PABPC4L: variants seen among roughly 807,000 people sequenced by gnomAD.
PABPC4L encodes poly(A) binding protein cytoplasmic 4 like, also known as polyadenylate-binding protein 4-like.
For synonymous variants in PABPC4L, 169 were observed against 164.1 expected (o/e 1.03, Z -0.23); for missense variants, 452 against 451.4 (o/e 1.00, Z -0.01).
chr4:133,994,091 G>T, the PABPC4L span, among the ~76,000 whole-genome samples: 1 of 152,230 alleles, frequency 6.6e-6, no homozygotes, highest in South Asian at 2.1e-4. Context: ...TCACTGTGGG[G>T]AATTGTTGAA....
the PABPC4L span, among the ~76,000 whole-genome samples, chr4:134,158,504 T>C: frequency 6.6e-5 from 10 of 152,198 alleles, no homozygotes; most frequent in Middle Eastern, 3.4e-3. Context: ...ATAAAATCTT[T>C]TTGTTATGCT....
the PABPC4L span, among the ~76,000 whole-genome samples, chr4:134,188,128 G>T: frequency 1.3e-5 from 2 of 151,736 alleles, no homozygotes; most frequent in Non-Finnish European, 2.9e-5. Flanking sequence ...GTTTGTGTGT[G>T]TGTGTGGTTG....
At chr4:134,158,547 G>A in the PABPC4L span, among the ~76,000 whole-genome samples, 1 of 151,898 alleles carries the variant, frequency 6.6e-6, no homozygotes, top group Non-Finnish European at 1.5e-5. Flanking sequence ...CGTATTAATA[G>A]TTTTCTTTGG....
chr4:134,074,136 C>T, the PABPC4L span, among the ~76,000 whole-genome samples: 1 of 152,170 alleles, frequency 6.6e-6, no homozygotes, highest in African/African-American at 2.4e-5. Context: ...TCAGGATGCA[C>T]ATTTTTTGAA....
chr4:134,062,693 G>T, the PABPC4L span, among the ~76,000 whole-genome samples: 2 of 152,042 alleles, frequency 1.3e-5, no homozygotes, highest in African/African-American at 4.8e-5. Flanking sequence ...ATTTTACTAT[G>T]CTATTTTGAC....
chr4:134,105,988 T>C, the PABPC4L span, among the ~76,000 whole-genome samples: 1 of 151,824 alleles, frequency 6.6e-6, no homozygotes, highest in South Asian at 2.1e-4. Context: ...TAAATTTTTC[T>C]AGATAGTGAT....
At chr4:134,054,434 A>G in the PABPC4L span, among the ~76,000 whole-genome samples, 1 of 151,508 alleles carries the variant, frequency 6.6e-6, no homozygotes, top group East Asian at 1.9e-4. Flanking sequence ...CATCTTAATA[A>G]CTATAGTATA....
At chr4:134,043,628 C>CTGG in the PABPC4L span, among the ~76,000 whole-genome samples, 2 of 151,808 alleles carry the variant, frequency 1.3e-5, no homozygotes, top group African/African-American at 4.8e-5. Flanking sequence ...GTATTACAGC[C>CTGG]AGAAAATACT....
the PABPC4L span, among the ~76,000 whole-genome samples, chr4:134,070,549 A>C: frequency 1.3e-5 from 2 of 152,104 alleles, no homozygotes; most frequent in Non-Finnish European, 2.9e-5. Flanking sequence ...CGCTCATGCC[A>C]GCTGCAGTGT....
chr4:134,057,017 G>GT, the PABPC4L span, among the ~76,000 whole-genome samples: 1 of 151,958 alleles, frequency 6.6e-6, no homozygotes, highest in Non-Finnish European at 1.5e-5. Flanking sequence ...TTACCTAGAG[G>GT]TTTTTTGTAT....
the PABPC4L span, among the ~76,000 whole-genome samples, chr4:134,054,246 GTATATGTATATATATA>G: frequency 8.9e-4 from 66 of 74,066 alleles, no homozygotes; most frequent in African/African-American, 3.2e-3. Context: ...TACTTTAGTT[GTATATGTATATATATA>G]TATATATATA....
the PABPC4L span, among the ~76,000 whole-genome samples, chr4:134,117,704 T>C: frequency 1.3e-5 from 2 of 151,748 alleles, no homozygotes; most frequent in African/African-American, 4.8e-5. Flanking sequence ...TCAGTGTTTT[T>C]ACAGCCTAGT....
chr4:133,965,082 C>T, the PABPC4L span, among the ~76,000 whole-genome samples: 1 of 152,190 alleles, frequency 6.6e-6, no homozygotes, highest in East Asian at 1.9e-4. Context: ...AAGACTTCTC[C>T]AGAAAGCTCC....
chr4:134,080,742 A>C, the PABPC4L span, among the ~76,000 whole-genome samples: 1 of 152,304 alleles, frequency 6.6e-6, no homozygotes, highest in Non-Finnish European at 1.5e-5. Flanking sequence ...CTGAAAAGTT[A>C]TGTTTCCCTT....
chr4:133,952,096 G>T, the PABPC4L span, among the ~76,000 whole-genome samples: 12 of 152,110 alleles, frequency 7.9e-5, no homozygotes, highest in Non-Finnish European at 1.5e-4. Context: ...CTGATACCAC[G>T]GCCCTTCTTT....
the PABPC4L span, among the ~76,000 whole-genome samples, chr4:133,956,641 T>C: frequency 2.6e-5 from 4 of 152,134 alleles, no homozygotes; most frequent in African/African-American, 4.8e-5. Flanking sequence ...TCTCTGAAGA[T>C]AGTGTATTAG....
At chr4:134,124,739 G>T in the PABPC4L span, among the ~76,000 whole-genome samples, 1 of 151,864 alleles carries the variant, frequency 6.6e-6, no homozygotes. Context: ...AAATTCACAG[G>T]GTGGCCTGGT....
At chr4:133,982,230 G>A in the PABPC4L span, among the ~76,000 whole-genome samples, 343 of 152,074 alleles carry the variant, frequency 2.3e-3, no homozygotes, top group African/African-American at 7.5e-3. Context: ...CAGAGATGAA[G>A]CAGCTTATTT....
At chr4:133,967,548 A>G in the PABPC4L span, among the ~76,000 whole-genome samples, 1 of 152,198 alleles carries the variant, frequency 6.6e-6, no homozygotes, top group Admixed American at 6.5e-5. Flanking sequence ...AGAACAATGA[A>G]GACTTCTAAT....
Sources: allele counts gnomAD v4.1 joint callset (sites outside exome capture counted in the v4.1 genomes callset), GRCh38; gene constraint gnomAD v4.1.1; transcripts MANE v1.5; gene names NCBI Gene and HGNC (gene_info 2026-07-23, HGNC 2026-07-21).